The following GULP1 variants were observed in gnomAD, a reference collection of about 807,000 sequenced individuals.
GULP1 encodes GULP PTB domain containing engulfment adaptor 1.
GULP1 carries 19 observed loss-of-function variants against 40.9 expected under a neutral mutation model. The ratio of observed to expected loss-of-function variants is 0.46; its 90% CI spans 0.32 to 0.68. The LOEUF is 0.68. GULP1 is among the 30% of genes least tolerant of loss of function. The pLI, the probability that GULP1 is intolerant of heterozygous loss-of-function variation, is 0.03. For synonymous variants in GULP1, 119 were observed against 117.6 expected, an observed-to-expected ratio of 1.01 and a Z score of -0.08; for missense variants, 312 against 362.2, an observed-to-expected ratio of 0.86 and a Z score of 1.12.
chr2:188,375,410 A>G (rs2048170782), intron 1 of GULP1, among the ~76,000 whole-genome samples: 1 of 152,238 alleles, frequency 6.6e-6, no homozygotes, highest in African/African-American at 2.4e-5. Flanking sequence ...ACAGGACTGG[A>G]AAAATTAAAC....
intron 2 of GULP1, among the ~76,000 whole-genome samples, chr2:188,391,139 G>T (rs1469482143): frequency 6.6e-6 from 1 of 151,374 alleles, no homozygotes; most frequent in Non-Finnish European, 1.5e-5. Context: ...TTCTAATTCT[G>T]TGAAAATGAT....
intron 2 of GULP1, among the ~76,000 whole-genome samples, chr2:188,464,547 A>G (rs917358827): frequency 2.0e-4 from 31 of 152,122 alleles, no homozygotes; most frequent in African/African-American, 7.2e-4. Context: ...AGGCTCTACA[A>G]TCAGCAGGTA....
chr2:188,441,692 T>C (rs2057950358), intron 2 of GULP1, among the ~76,000 whole-genome samples: 2 of 152,208 alleles, frequency 1.3e-5, no homozygotes, highest in South Asian at 4.1e-4. Flanking sequence ...AAGAGAGGCC[T>C]GATGCTTTTC....
intron 2 of GULP1, among the ~76,000 whole-genome samples, chr2:188,387,002 CA>C (rs1435764813): frequency 6.6e-6 from 1 of 151,938 alleles, no homozygotes; most frequent in East Asian, 1.9e-4. Context: ...TTTGGGAGGC[CA>C]AGTCGGTGGA....
intron 1 of GULP1, among the ~76,000 whole-genome samples, chr2:188,373,936 C>A (rs1199224655): frequency 6.6e-6 from 1 of 151,946 alleles, no homozygotes; most frequent in Non-Finnish European, 1.5e-5. Flanking sequence ...TGTTTATTTA[C>A]AGTTTTAAAA....
chr2:188,562,298 C>T (rs908700621), intron 7 of GULP1, among the ~76,000 whole-genome samples: 5 of 152,140 alleles, frequency 3.3e-5, no homozygotes, highest in Non-Finnish European at 5.9e-5. Flanking sequence ...TGCATGATTC[C>T]ATGATGCAGA....
At chr2:188,501,045 A>G (rs1014189342) in intron 4 of GULP1, among the ~76,000 whole-genome samples, 1 of 151,898 alleles carries the variant, frequency 6.6e-6, no homozygotes, top group Admixed American at 6.6e-5. Context: ...ATGACCCTAT[A>G]TGTACTTACC....
intron 1 of GULP1, among the ~76,000 whole-genome samples, chr2:188,329,703 G>C (rs754071879): frequency 3.3e-5 from 5 of 152,100 alleles, no homozygotes; most frequent in Non-Finnish European, 5.9e-5. Flanking sequence ...AATCTCTATG[G>C]GGACAAAGAT....
Position 188,594,000 on chromosome 2 carries a change from A to G in GULP1, c.904A>G (p.Ser302Gly). The change falls in exon 12 of 12, where the codon AGT becomes GGT. Residue 302 changes from serine (S) to glycine (G), a missense_variant. Ser to Gly is a moderately conservative substitution (Grantham distance 56, BLOSUM62 0). Transcript: ENST00000409830. ...GTVFCLDPLD[S>G]RC ...AGTATTTTGTCTCGACCCGTTAGAC[A>G]GTAGGTGCTGACATCAAGAACAAGA... is the stretch of plus-strand genomic sequence containing the variant. 6.3e-7 allele frequency: 1 copy of G among 1,584,346 alleles called. No homozygotes were observed. Among genetic ancestry groups the G allele is most frequent in the East Asian group, 2.2e-5 (1 of 44,582 alleles).
chr2:188,479,790 A>G (rs2061311229), intron 3 of GULP1, among the ~76,000 whole-genome samples: 2 of 152,116 alleles, frequency 1.3e-5, no homozygotes, highest in Non-Finnish European at 2.9e-5. Flanking sequence ...AGAAATCCCA[A>G]GAGTTGGATA....
At chr2:188,514,912 T>G (rs2065022634) in intron 4 of GULP1, among the ~76,000 whole-genome samples, 1 of 152,220 alleles carries the variant, frequency 6.6e-6, no homozygotes, top group Non-Finnish European at 1.5e-5. Context: ...CTTAGTAGTA[T>G]TCCATGGTAT....
intron 2 of GULP1, among the ~76,000 whole-genome samples, chr2:188,456,390 C>G (rs1430502686): frequency 3.3e-5 from 5 of 152,102 alleles, no homozygotes. Context: ...GAACTTGGTG[C>G]CTTCCATCCC....
At position 188,477,743 on chromosome 2, in the gene GULP1, A is replaced by G. The variant is rs779046130; in HGVS notation, c.28+13A>G. ...AGCAGGAAGAAAGGTAAGTGTGGTC[A>G]TTTTTTAAAACTTGGGAGTCAAGCC... On this transcript the variant is annotated intron_variant, in intron 3 of 11. Coordinates refer to ENST00000409830, the MANE Select transcript of GULP1 (RefSeq NM_016315.4). 1 of 1,591,718 alleles carries G rather than the reference A, an allele frequency of 6.3e-7. No individual in the cohort carries two copies. The highest frequency in any genetic ancestry group is 8.6e-7 in the Non-Finnish European group (1 of 1,168,328).
At chr2:188,402,273 C>A (rs923629557) in intron 2 of GULP1, among the ~76,000 whole-genome samples, 5 of 152,056 alleles carry the variant, frequency 3.3e-5, no homozygotes, top group African/African-American at 1.2e-4. Context: ...TTGTTCTTCA[C>A]GTTTTTGATC....
intron 1 of GULP1, among the ~76,000 whole-genome samples, chr2:188,318,712 C>A (rs1051660215): frequency 1.3e-5 from 2 of 152,126 alleles, no homozygotes; most frequent in Non-Finnish European, 2.9e-5. Context: ...GGAGTTATTA[C>A]CCTTTTCCTA....
intron 2 of GULP1, among the ~76,000 whole-genome samples, chr2:188,402,847 CA>C (rs2052507082): frequency 6.6e-6 from 1 of 152,012 alleles, no homozygotes; most frequent in South Asian, 2.1e-4. Context: ...TTGTATATGT[CA>C]GGCACTGTCC....
chr2:188,533,712 G>C (rs1688152162), intron 6 of GULP1, among the ~76,000 whole-genome samples: 1 of 152,060 alleles, frequency 6.6e-6, no homozygotes, highest in Non-Finnish European at 1.5e-5. Context: ...ATGGGATAAA[G>C]TATTTGCAAA....
intron 1 of GULP1, among the ~76,000 whole-genome samples, chr2:188,298,595 G>T (rs181195296): frequency 6.6e-6 from 1 of 152,148 alleles, no homozygotes; most frequent in Admixed American, 6.5e-5. Flanking sequence ...ACCATGACTG[G>T]ATATGTAGGA....
At chr2:188,567,039 A>T (rs1012338858) in intron 7 of GULP1, among the ~76,000 whole-genome samples, 2 of 152,132 alleles carry the variant, frequency 1.3e-5, no homozygotes, top group Admixed American at 1.3e-4. Flanking sequence ...AAAACTCAAC[A>T]TCACTGATCA....
Sources: allele counts gnomAD v4.1 joint callset (sites outside exome capture counted in the v4.1 genomes callset), GRCh38; gene constraint gnomAD v4.1.1; transcripts MANE v1.5; gene names NCBI Gene and HGNC (gene_info 2026-07-23, HGNC 2026-07-21).